TMPRSS7: variants seen among roughly 807,000 people sequenced by gnomAD.
TMPRSS7 encodes transmembrane protease serine 7.
Under a neutral mutation model 95.6 loss-of-function variants are expected in TMPRSS7, and 81 were observed. That is an observed-to-expected ratio of 0.85 (90% CI 0.71 to 1.02). The LOEUF (loss-of-function observed/expected upper bound fraction) is 1.02, where lower values mean the gene tolerates loss of function less well. Ranked by LOEUF, TMPRSS7 falls within the 50% of genes least tolerant of loss-of-function variation. The pLI is 0.00. For synonymous variants in TMPRSS7, 364 were observed against 337.8 expected (o/e 1.08, Z -0.85); for missense variants, 945 against 955.2 (o/e 0.99, Z 0.14).
intron 10 of TMPRSS7, among the ~76,000 whole-genome samples, chr3:112,059,071 A>G (rs887099284): frequency 4.6e-5 from 7 of 152,188 alleles, no homozygotes; most frequent in African/African-American, 1.7e-4. Context: ...TCCTGACTGG[A>G]AGAAGCCTAA....
At chr3:112,062,022 T>C in intron 11 of TMPRSS7, 99 bp downstream of exon 11, 1 of 826,142 alleles carries the variant, frequency 1.2e-6, no homozygotes, top group Non-Finnish European at 1.7e-6. Flanking sequence ...GAATACTGCT[T>C]TATTTCTGCT....
intron 8 of TMPRSS7, among the ~76,000 whole-genome samples, chr3:112,050,311 T>C (rs2399403): frequency 0.035 from 5,376 of 152,014 alleles, 141 homozygotes; most frequent in Non-Finnish European, 0.048. Flanking sequence ...GTTTAGAGCT[T>C]AGAGGAGGGA....
At chr3:112,065,239 A>T (rs2073561241) in intron 12 of TMPRSS7, among the ~76,000 whole-genome samples, 1 of 151,988 alleles carries the variant, frequency 6.6e-6, no homozygotes, top group South Asian at 2.1e-4. Context: ...ATGAGGTCTC[A>T]CTGTGTTGCC....
At chr3:112,066,770 T>G (rs2073581335) in intron 13 of TMPRSS7, among the ~76,000 whole-genome samples, 2 of 151,216 alleles carry the variant, frequency 1.3e-5, no homozygotes, top group African/African-American at 4.9e-5. Flanking sequence ...TACTGGCAGA[T>G]TCTCCTTTTT....
At chr3:112,065,593 C>T (rs937321358) in intron 12 of TMPRSS7, among the ~76,000 whole-genome samples, 1 of 152,076 alleles carries the variant, frequency 6.6e-6, no homozygotes, top group Non-Finnish European at 1.5e-5. Flanking sequence ...GAGCTATTCT[C>T]TAAGAGTCCA....
intron 2 of TMPRSS7, among the ~76,000 whole-genome samples, chr3:112,041,553 G>A (rs1020336474): frequency 6.6e-6 from 1 of 152,030 alleles, no homozygotes; most frequent in African/African-American, 2.4e-5. Context: ...ATTAGGGGCT[G>A]AGGAATCAAA....
At chr3:112,079,681 T>C (rs2073755054) in intron 17 of TMPRSS7, among the ~76,000 whole-genome samples, 1 of 152,194 alleles carries the variant, frequency 6.6e-6, no homozygotes, top group East Asian at 1.9e-4. Flanking sequence ...GAGCTGTTCT[T>C]TCATCTTTCC....
At chr3:112,067,774 G>A (rs914802040) in intron 13 of TMPRSS7, among the ~76,000 whole-genome samples, 1 of 152,188 alleles carries the variant, frequency 6.6e-6, no homozygotes, top group Admixed American at 6.5e-5. Flanking sequence ...CTCCCATTCT[G>A]TAGGTTGCCT....
intron 13 of TMPRSS7, among the ~76,000 whole-genome samples, chr3:112,070,925 G>A (rs984642650): frequency 2.6e-5 from 4 of 152,154 alleles, no homozygotes; most frequent in Admixed American, 2.0e-4. Context: ...TCTTTTAACT[G>A]GGGCATTTAG....
intron 9 of TMPRSS7, among the ~76,000 whole-genome samples, chr3:112,054,590 T>C (rs16859113): frequency 0.23 from 35,687 of 152,020 alleles, 4,365 homozygotes; most frequent in South Asian, 0.28. Flanking sequence ...GTGTTACATA[T>C]GAATCCATTT....
intron 13 of TMPRSS7, among the ~76,000 whole-genome samples, chr3:112,068,948 T>A (rs1368357817): frequency 1.3e-5 from 2 of 152,238 alleles, no homozygotes; most frequent in Non-Finnish European, 2.9e-5. Flanking sequence ...AGTATGATAT[T>A]GGCTGTGGGT....
intron 1 of TMPRSS7, among the ~76,000 whole-genome samples, chr3:112,036,920 A>T (rs1267231836): frequency 6.6e-6 from 1 of 152,136 alleles, no homozygotes; most frequent in Non-Finnish European, 1.5e-5. Flanking sequence ...GTTCATGGAC[A>T]TTTATCATTT....
At chr3:112,047,806 A>G in exon 7 of TMPRSS7, 1 of 1,614,190 alleles carries the variant, frequency 6.2e-7, no homozygotes, top group Non-Finnish European at 8.5e-7. Context: ...AGATTTCTGC[A>G]GCCTCAGGGA....
intron 3 of TMPRSS7, among the ~76,000 whole-genome samples, chr3:112,043,740 A>G (rs1054570494): frequency 2.0e-5 from 3 of 152,162 alleles, no homozygotes; most frequent in African/African-American, 4.8e-5. Context: ...TTGAGATCCA[A>G]TTATGAAGTT....
At chr3:112,066,305 G>A (rs568130950) in intron 12 of TMPRSS7, 87 bp from the exon 13 acceptor site, 3 of 1,124,476 alleles carry the variant, frequency 2.7e-6, no homozygotes, top group East Asian at 4.8e-5. Context: ...CTAATGATTT[G>A]TACCTTGAGA....
chr3:112,055,733 T>C (rs1211985026), intron 9 of TMPRSS7, among the ~76,000 whole-genome samples: 1 of 152,086 alleles, frequency 6.6e-6, no homozygotes, highest in African/African-American at 2.4e-5. Flanking sequence ...CAGGCAACAC[T>C]GAAATCAGGG....
chr3:112,037,465 T>C (rs2107734370), intron 1 of TMPRSS7, among the ~76,000 whole-genome samples: 1 of 152,324 alleles, frequency 6.6e-6, no homozygotes, highest in East Asian at 1.9e-4. Flanking sequence ...CCTGCTAAGA[T>C]GTTTATCAAT....
intron 9 of TMPRSS7, among the ~76,000 whole-genome samples, chr3:112,052,730 A>T (rs1449855251): frequency 2.0e-5 from 3 of 152,358 alleles, no homozygotes; most frequent in African/African-American, 7.2e-5. Flanking sequence ...GATAGCAGAA[A>T]AAGACAGTGC....
chr3:112,076,474 A>T (rs1352862933), intron 15 of TMPRSS7, among the ~76,000 whole-genome samples: 1 of 152,232 alleles, frequency 6.6e-6, no homozygotes, highest in South Asian at 2.1e-4. Context: ...TATTCATATC[A>T]TTTGAATTTG....
Sources: allele counts gnomAD v4.1 joint callset (sites outside exome capture counted in the v4.1 genomes callset), GRCh38; gene constraint gnomAD v4.1.1; transcripts MANE v1.5; gene names NCBI Gene and HGNC (gene_info 2026-07-23, HGNC 2026-07-21).